The following DOCK9 variants were observed in gnomAD, a reference collection of about 807,000 sequenced individuals.
The protein encoded by DOCK9 is dedicator of cytokinesis protein 9.
A neutral mutation model predicts 263.3 loss-of-function variants in DOCK9; 89 were observed. The observed-to-expected ratio is 0.34, with a 90% confidence interval of 0.28 to 0.40. The LOEUF is 0.40. Ranked by LOEUF, DOCK9 falls within the 10% of genes least tolerant of loss-of-function variation. The probability of loss-of-function intolerance (pLI) is 1.00; values close to 1 mark genes in which losing one functional copy is unlikely to be tolerated. For missense variants in DOCK9, 2,140 were observed against 2,603.4 expected, an observed-to-expected ratio of 0.82 and a Z score of 3.87; for synonymous variants, 976 against 973.1, an observed-to-expected ratio of 1.00 and a Z score of -0.06.
upstream of DOCK9, among the ~76,000 whole-genome samples, chr13:98,981,152 G>C (rs1877108931): frequency 5.9e-5 from 9 of 151,792 alleles, no homozygotes; most frequent in Admixed American, 5.9e-4. Context: ...CACCTCCTGG[G>C]CTCATGCAAT....
chr13:98,982,985 A>C (rs1179656089), upstream of DOCK9, among the ~76,000 whole-genome samples: 1 of 152,244 alleles, frequency 6.6e-6, no homozygotes, highest in East Asian at 1.9e-4. Flanking sequence ...TAGATACTGT[A>C]GCTAACCATA....
intron 1 of DOCK9, among the ~76,000 whole-genome samples, chr13:99,023,743 A>G (rs1185531397): frequency 6.6e-6 from 1 of 152,210 alleles, no homozygotes; most frequent in Non-Finnish European, 1.5e-5. Context: ...AAAAACGAGG[A>G]TGGTAACTGG....
intron 5 of DOCK9, 51 bp from the exon 6 acceptor site, chr13:98,922,197 T>C: frequency 7.0e-7 from 1 of 1,427,598 alleles, no homozygotes; most frequent in Non-Finnish European, 9.6e-7. Context: ...TTACCTGGGT[T>C]GCTTGCTGTG....
Position 99,054,740 on chromosome 13 carries a change from C to T in DOCK9, c.129+31483G>A, listed in dbSNP as rs541754370. 1.2e-4 allele frequency among the ~76,000 whole-genome samples: 18 copies of T among 152,302 alleles called. No individual in the cohort carries two copies. In the South Asian group the frequency reaches 3.3e-3, roughly 28 times the overall value. On this transcript the variant is annotated intron_variant, in intron 1 of 32. Coordinates refer to the DOCK9 transcript ENST00000427887. ...TCCTAAGCTGGGAGATTCTTAACTA[C>T]GCCAGTATCACCAGCAAATCAAGCA...
chr13:98,884,001 G>C, intron 21 of DOCK9, 102 bp from the exon 22 acceptor site: 2 of 810,676 alleles, frequency 2.5e-6, no homozygotes, highest in Non-Finnish European at 3.8e-6. Context: ...AGAGGGCCCA[G>C]AGAACTTTAG....
chr13:99,026,712 A>C (rs1886769718), intron 1 of DOCK9, among the ~76,000 whole-genome samples: 1 of 152,144 alleles, frequency 6.6e-6, no homozygotes, highest in Admixed American at 6.5e-5. Context: ...ATCCAAGAAA[A>C]AAATACCAAT....
intron 1 of DOCK9, among the ~76,000 whole-genome samples, chr13:99,079,639 C>T (rs754313879): frequency 2.6e-5 from 4 of 152,202 alleles, no homozygotes; most frequent in African/African-American, 4.8e-5. Flanking sequence ...AACTGAGACT[C>T]GGGCAACGTA....
chr13:99,053,454 T>G (rs183653429), intron 1 of DOCK9, among the ~76,000 whole-genome samples: 1 of 152,318 alleles, frequency 6.6e-6, no homozygotes, highest in East Asian at 1.9e-4. Context: ...GAATATAAAT[T>G]TAATTATTCA....
chr13:98,961,183 G>A (rs888641932), intron 1 of DOCK9, among the ~76,000 whole-genome samples: 2 of 152,326 alleles, frequency 1.3e-5, no homozygotes, highest in South Asian at 4.1e-4. Context: ...AGGAAGGGAT[G>A]CTTGGAGAGA....
At chr13:99,060,143 G>A (rs907786474) in intron 1 of DOCK9, among the ~76,000 whole-genome samples, 9 of 131,098 alleles carry the variant, frequency 6.9e-5, no homozygotes, top group Non-Finnish European at 1.2e-4. Flanking sequence ...GCATGATCTC[G>A]GCTCACTGCA....
At chr13:99,012,908 C>T (rs1381555958) in intron 1 of DOCK9, among the ~76,000 whole-genome samples, 2 of 152,114 alleles carry the variant, frequency 1.3e-5, no homozygotes, top group African/African-American at 2.4e-5. Context: ...TTTAAAAAAA[C>T]ACACATTTTG....
At chr13:98,890,287 C>T (rs571686132) in intron 15 of DOCK9, among the ~76,000 whole-genome samples, 1 of 152,290 alleles carries the variant, frequency 6.6e-6, no homozygotes, top group South Asian at 2.1e-4. Context: ...CATTTCCAGA[C>T]TGACACTAGC....
At chr13:98,879,856 C>T (rs753631723) in intron 27 of DOCK9, 42 bp downstream of exon 27, 1 of 1,527,278 alleles carries the variant, frequency 6.5e-7, no homozygotes, top group Admixed American at 2.0e-5. Context: ...AAAGAGATTT[C>T]TTTTCCCCTA....
At chr13:99,083,965 T>C (rs1211249660) in intron 1 of DOCK9, among the ~76,000 whole-genome samples, 1 of 152,242 alleles carries the variant, frequency 6.6e-6, no homozygotes, top group East Asian at 1.9e-4. Context: ...GTGGGCATTG[T>C]ATTAGTGCTG....
chr13:98,866,421 G>T (rs2094025666), intron 30 of DOCK9, among the ~76,000 whole-genome samples: 1 of 152,168 alleles, frequency 6.6e-6, no homozygotes, highest in South Asian at 2.1e-4. Flanking sequence ...CAGACTGAAT[G>T]AATGCCTTAG....
rs75588967 is a variant in DOCK9 at position 99,070,828 on chromosome 13, T to C, written c.129+15395A>G. ...ACTTGGTTATACAACTGCATTTCTA[T>C]GTTTAGAACTGAGGGAATAAACATT... On this transcript the variant is annotated intron_variant, in intron 1 of 32. Transcript: ENST00000427887. Among the ~76,000 whole-genome samples, 788 of 152,388 alleles carry C rather than the reference T, an allele frequency of 5.2e-3. 5 individuals are homozygous for C. The highest frequency in any genetic ancestry group is 9.0e-3 in the Admixed American group (138 of 15,310).
At chr13:98,885,560 A>T in intron 20 of DOCK9, 148 bp downstream of exon 20, 1 of 826,506 alleles carries the variant, frequency 1.2e-6, no homozygotes, top group Non-Finnish European at 1.7e-6. Context: ...AAAATTACAT[A>T]TGCAACCCAG....
At chr13:98,908,151 A>G (rs1453845959) in intron 9 of DOCK9, among the ~76,000 whole-genome samples, 1 of 152,204 alleles carries the variant, frequency 6.6e-6, no homozygotes, top group Non-Finnish European at 1.5e-5. Context: ...GCAAGTCAGG[A>G]AGAAAAAACA....
At chr13:99,026,383 CG>C (rs1450835632) in intron 1 of DOCK9, among the ~76,000 whole-genome samples, 1 of 152,128 alleles carries the variant, frequency 6.6e-6, no homozygotes, top group Admixed American at 6.5e-5. Context: ...ATTTCAATAC[CG>C]TTATCTTTCC....
Sources: allele counts gnomAD v4.1 joint callset (sites outside exome capture counted in the v4.1 genomes callset), GRCh38; gene constraint gnomAD v4.1.1; transcripts MANE v1.5; gene names NCBI Gene and HGNC (gene_info 2026-07-23, HGNC 2026-07-21).